Variants in GPD1L observed in about 807,000 individuals in gnomAD.
GPD1L encodes glycerol-3-phosphate dehydrogenase 1-like protein.
In GPD1L, 17 loss-of-function variants were observed where a neutral mutation model predicts 32.9. The observed-to-expected ratio is 0.52, with a 90% CI of 0.35 to 0.78. GPD1L has a LOEUF of 0.78. GPD1L is among the 30% of genes least tolerant of loss of function. GPD1L has a pLI of 0.01. For missense variants in GPD1L, 361 were observed against 447.8 expected, an observed-to-expected ratio of 0.81 and a Z score of 1.75; for synonymous variants, 187 against 165.9, an observed-to-expected ratio of 1.13 and a Z score of -0.98.
chr3:32,138,667 A>C lies in GPD1L; in HGVS notation c.306A>C (p.Arg102Ser), dbSNP rs774974692. ...TCATTCCCCACCAGTTCATTCACAG[A>C]ATCTGTGATGAGATCACTGGGAGAG... ...VFVIPHQFIHRICDEITGRVP... is the reference protein window; with the variant it reads ...VFVIPHQFIHSICDEITGRVP... Residue 102 changes from arginine to serine, a missense_variant, in exon 3 of 8, where the codon AGA (arginine) becomes AGC (serine). By Grantham distance (110) the Arg-to-Ser change is moderately radical (BLOSUM62 -1). Coordinates refer to ENST00000282541, the MANE Select transcript of GPD1L (RefSeq NM_015141.4). 1.9e-6 allele frequency: 3 copies of C among 1,614,016 alleles called. No individual in the cohort carries two copies. The South Asian group carries it at 3.3e-5, about 18-fold the overall frequency.
rs1700799951 is a variant in GPD1L at position 32,145,040 on chromosome 3, CG to C, written c.506-1579del. On this transcript the variant is annotated intron_variant, in intron 4 of 7. Transcript: ENST00000282541. ...TATATTAATAATAAAATTCGCGGGC[CG>C]GGTGCGGTGGCTCATGCCTTTAATC... 2.7e-5 allele frequency among the ~76,000 whole-genome samples: 4 copies of C among 150,660 alleles called. No homozygotes were observed. In the South Asian group the frequency reaches 8.7e-4, roughly 33 times the overall value.
intron 1 of GPD1L, among the ~76,000 whole-genome samples, chr3:32,111,562 T>C (rs1407280121): frequency 6.6e-6 from 1 of 152,188 alleles, no homozygotes; most frequent in Non-Finnish European, 1.5e-5. Flanking sequence ...TCATCCTTGA[T>C]GGACCTGTCA....
Position 32,121,625 on chromosome 3 carries a change from TATATATATTTCTATATATATA to T in GPD1L, c.48-6442_48-6422del, listed in dbSNP as rs1275710921. On this transcript the variant is annotated intron_variant, in intron 1 of 7. Transcript: ENST00000282541. The stretch of plus-strand genomic sequence containing the variant: ...TTTCTATATATATTTCTATATATAT[TATATATATTTCTATATATATA>T]ATATATATATTTCTATATATATTTC... Among the ~76,000 whole-genome samples the T allele has an allele frequency of 5.2e-3, 333 of 63,608 alleles. 9 individuals are homozygous for T. In the African/African-American group the frequency reaches 0.053, roughly 10 times the overall value. 41.7% of individuals were successfully genotyped at this position (63,608 alleles called of 152,430 possible).
At chr3:32,162,929 T>A (rs1701091046) in intron 7 of GPD1L, among the ~76,000 whole-genome samples, 1 of 152,060 alleles carries the variant, frequency 6.6e-6, no homozygotes, top group Non-Finnish European at 1.5e-5. Flanking sequence ...CAGCTAATTT[T>A]TGCATTTTTA....
chr3:32,137,871 A>G (rs1055585064), intron 2 of GPD1L, among the ~76,000 whole-genome samples: 4 of 152,204 alleles, frequency 2.6e-5, no homozygotes, highest in Non-Finnish European at 5.9e-5. Context: ...GTGTGGGATC[A>G]TTTACAGAGG....
At chr3:32,138,509 G>T (rs563810749) in intron 2 of GPD1L, 78 bp from the exon 3 acceptor site, 4 of 1,302,566 alleles carry the variant, frequency 3.1e-6, no homozygotes, top group African/African-American at 1.4e-5. Flanking sequence ...TCTGATAAAT[G>T]GTCAGTGAGT....
At chr3:32,142,843 G>A (rs1056499801) in intron 4 of GPD1L, among the ~76,000 whole-genome samples, 4 of 151,954 alleles carry the variant, frequency 2.6e-5, no homozygotes, top group African/African-American at 4.8e-5. Flanking sequence ...TTCTTTACCC[G>A]GTGCTTCTAT....
At chr3:32,137,868 A>T (rs1453921403) in intron 2 of GPD1L, among the ~76,000 whole-genome samples, 2 of 152,308 alleles carry the variant, frequency 1.3e-5, no homozygotes, top group South Asian at 2.1e-4. Flanking sequence ...TTAGTGTGGG[A>T]TCATTTACAG....
intron 2 of GPD1L, among the ~76,000 whole-genome samples, chr3:32,137,925 G>A (rs1237565889): frequency 6.6e-6 from 1 of 152,172 alleles, no homozygotes; most frequent in African/African-American, 2.4e-5. Flanking sequence ...TGAAGTGCTC[G>A]GAGATTAGCA....
chr3:32,160,830 C>A (rs770421571), intron 7 of GPD1L, among the ~76,000 whole-genome samples: 11 of 152,334 alleles, frequency 7.2e-5, no homozygotes, highest in Non-Finnish European at 1.0e-4. Flanking sequence ...ACAGCACTTT[C>A]TCTTGCCGAT....
chr3:32,131,470 G>A (rs779171047), intron 2 of GPD1L, among the ~76,000 whole-genome samples: 1 of 152,142 alleles, frequency 6.6e-6, no homozygotes, highest in Non-Finnish European at 1.5e-5. Context: ...AGATTTACCT[G>A]TTCTCCATAT....
chr3:32,118,667 A>G (rs1160609483), intron 1 of GPD1L, among the ~76,000 whole-genome samples: 1 of 152,130 alleles, frequency 6.6e-6, no homozygotes, highest in Non-Finnish European at 1.5e-5. Flanking sequence ...GAATGTTCAC[A>G]TTGTTCGTAT....
Position 32,140,883 on chromosome 3 carries a change from T to C in GPD1L, c.505+517T>C, listed in dbSNP as rs144681896. On this transcript the variant is annotated intron_variant, in intron 4 of 7. Transcript: ENST00000282541. ...AAGCCAGGAACAAATTTGAGTCTTC[T>C]GTTTCCTGAACTAGTAAGCCTTTTC... Among the ~76,000 whole-genome samples the C allele has an allele frequency of 2.1e-3, 322 of 152,338 alleles. 1 individual carries two copies. The highest frequency in any genetic ancestry group is 7.4e-3 in the African/African-American group (308 of 41,574).
At position 32,168,256 on chromosome 3, in the gene GPD1L, A is replaced by G. The variant is rs1040968873; in HGVS notation, c.*2346A>G. ...GCTCTACTAACTGTAGATATTTATG[A>G]CTCTGCGAGTTATCTATTTTTATAA... On this transcript the variant is annotated 3_prime_UTR_variant, in exon 8 of 8. Transcript: ENST00000282541. 5 of 152,564 alleles carry G rather than the reference A, an allele frequency of 3.3e-5. No homozygotes were observed. Among genetic ancestry groups the G allele is most frequent in the African/African-American group, 1.2e-4 (5 of 41,420 alleles). 9.5% of individuals were successfully genotyped at this position (152,564 alleles called of 1,614,324 possible). A position where few individuals can be genotyped will look rare whatever the true frequency, so the allele number is the denominator to read the frequency against.
In GPD1L at chr3:32,121,507, A is replaced by C. The variant is rs181655893; in HGVS notation, c.48-6569A>C. 1.7e-4 allele frequency among the ~76,000 whole-genome samples: 14 copies of C among 82,364 alleles called. 3 individuals are homozygous for C. In the South Asian group the frequency reaches 2.4e-3, roughly 14 times the overall value. The allele number at this position is 82,364 out of a possible 152,430, so 54.0% of individuals were successfully genotyped here. ...TTTCTCTCTATATATATTTCTCTCT[A>C]TATATATTTCTCTCTATATATATTT... On this transcript the variant is annotated intron_variant, in intron 1 of 7. Coordinates refer to ENST00000282541, the MANE Select transcript of GPD1L (RefSeq NM_015141.4).
At position 32,158,986 on chromosome 3, in the gene GPD1L, C is replaced by T; in HGVS notation, c.729C>T (p.Ile243=). 6.2e-7 allele frequency: 1 copy of T among 1,614,110 alleles called. No individual in the cohort carries two copies. The highest frequency in any genetic ancestry group is 8.5e-7 in the Non-Finnish European group (1 of 1,180,026). The change falls in exon 6 of 8, where the codon ATC becomes ATT. Residue 243 remains isoleucine (I), a synonymous_variant. Coordinates refer to ENST00000282541, the MANE Select transcript of GPD1L (RefSeq NM_015141.4). The part of the protein sequence containing the change: ...GLMEMIAFAR[I]FCKGQVSTAT... ...TGGAAATGATTGCTTTTGCCAGGAT[C>T]TTCTGCAAAGGCCAAGTGTCTACAG...
intron 2 of GPD1L, among the ~76,000 whole-genome samples, chr3:32,137,044 G>A (rs1167453837): frequency 6.6e-6 from 1 of 152,166 alleles, no homozygotes; most frequent in Non-Finnish European, 1.5e-5. Flanking sequence ...TGATTATAGA[G>A]AAAGGGGAGA....
chr3:32,129,056 G>A (rs1363764161), intron 2 of GPD1L, among the ~76,000 whole-genome samples: 1 of 152,198 alleles, frequency 6.6e-6, no homozygotes, highest in Non-Finnish European at 1.5e-5. Flanking sequence ...TGAGCTTGGG[G>A]AGTGAAAAGG....
At position 32,159,479 on chromosome 3, in the gene GPD1L, AAG is replaced by A. The variant is rs1443292332; in HGVS notation, c.853-87_853-86del. On this transcript the variant is annotated intron_variant, in intron 6 of 7. Coordinates refer to ENST00000282541, the MANE Select transcript of GPD1L (RefSeq NM_015141.4). Reference sequence around the variant, plus strand: ...GACCCATTCTCTAAAAAAAAAAAAAAAGAAAAAAAACACTTAAAAATTAAACA... The same window carrying A: ...GACCCATTCTCTAAAAAAAAAAAAAAAAAAAAAACACTTAAAAATTAAACA... 1,569 of 762,568 alleles carry A rather than the reference AAG, an allele frequency of 2.1e-3. 5 individuals are homozygous for A. Among genetic ancestry groups the A allele is most frequent in the East Asian group, 3.9e-3 (117 of 30,124 alleles). 47.2% of individuals were successfully genotyped at this position (762,568 alleles called of 1,614,324 possible).
Sources: allele counts gnomAD v4.1 joint callset (sites outside exome capture counted in the v4.1 genomes callset), GRCh38; gene constraint gnomAD v4.1.1; transcripts MANE v1.5; gene names NCBI Gene and HGNC (gene_info 2026-07-23, HGNC 2026-07-21).